MGLL: variants seen among roughly 807,000 people sequenced by gnomAD.
MGLL encodes lysophospholipase homolog.
MGLL carries 7 observed loss-of-function variants against 29.1 expected under a neutral mutation model. That is an observed-to-expected ratio of 0.24 (90% confidence interval 0.14 to 0.45). The LOEUF is 0.45. MGLL is among the 20% of genes least tolerant of loss of function. The pLI is 0.99. For synonymous variants in MGLL, 148 were observed against 168.3 expected (o/e 0.88, Z 0.93); for missense variants, 356 against 413.6 (o/e 0.86, Z 1.21).
intron 6 of MGLL, among the ~76,000 whole-genome samples, chr3:127,696,037 G>A (rs962016360): frequency 6.6e-6 from 1 of 152,222 alleles, no homozygotes; most frequent in Non-Finnish European, 1.5e-5. Context: ...GCTTTGGGGT[G>A]AGGGACGCCC....
chr3:127,715,534 C>T, intron 5 of MGLL: 1 of 377,090 alleles, frequency 2.7e-6, no homozygotes, highest in Non-Finnish European at 5.3e-6. Context: ...AAAGAGATCC[C>T]CTTTCCCTGC....
At chr3:127,750,344 GGGC>G (rs2076534745) in intron 3 of MGLL, among the ~76,000 whole-genome samples, 1 of 152,186 alleles carries the variant, frequency 6.6e-6, no homozygotes, top group African/African-American at 2.4e-5. Flanking sequence ...GGCTCACTGG[GGGC>G]CTCGGGCAGG....
At chr3:127,806,103 C>T (rs554259372) in intron 2 of MGLL, among the ~76,000 whole-genome samples, 6 of 152,336 alleles carry the variant, frequency 3.9e-5, no homozygotes, top group Non-Finnish European at 7.3e-5. Context: ...ATTCTAAATG[C>T]ACTGAATGGC....
intron 3 of MGLL, chr3:127,735,608 G>T: frequency 7.9e-7 from 1 of 1,273,852 alleles, no homozygotes; most frequent in Non-Finnish European, 1.1e-6. Flanking sequence ...AAAAAAGCAA[G>T]AGAATGAAAC....
intron 3 of MGLL, among the ~76,000 whole-genome samples, chr3:127,759,991 G>A (rs2076734647): frequency 6.6e-6 from 1 of 152,236 alleles, no homozygotes; most frequent in South Asian, 2.1e-4. Context: ...CACATTGACT[G>A]TCTTTGCGGG....
At chr3:127,776,840 C>G (rs1010671883) in intron 3 of MGLL, among the ~76,000 whole-genome samples, 7 of 152,188 alleles carry the variant, frequency 4.6e-5, no homozygotes, top group African/African-American at 1.7e-4. Context: ...CTGTTGATGC[C>G]TCCACTTCCT....
At chr3:127,766,487 G>A (rs2076857754) in intron 3 of MGLL, among the ~76,000 whole-genome samples, 2 of 152,118 alleles carry the variant, frequency 1.3e-5, no homozygotes, top group African/African-American at 4.8e-5. Context: ...CCTCTCTTGA[G>A]TGGGAGCCCC....
intron 3 of MGLL, among the ~76,000 whole-genome samples, chr3:127,730,355 A>C (rs933256351): frequency 6.6e-6 from 1 of 151,990 alleles, no homozygotes; most frequent in Non-Finnish European, 1.5e-5. Flanking sequence ...CAGTATTCCC[A>C]GCCTCCCAGG....
chr3:127,807,928 A>AT (rs2077597163), intron 2 of MGLL, among the ~76,000 whole-genome samples: 1 of 151,472 alleles, frequency 6.6e-6, no homozygotes, highest in Non-Finnish European at 1.5e-5. Context: ...TACCCAGCTA[A>AT]TTTTTTGTAT....
At chr3:127,803,259 C>T (rs139445030) in intron 2 of MGLL, among the ~76,000 whole-genome samples, 1,760 of 152,022 alleles carry the variant, frequency 0.012, 23 homozygotes, top group South Asian at 0.024. Flanking sequence ...AGATTACAGG[C>T]GTGAGCCACC....
Position 127,817,958 on chromosome 3 carries a change from TC to T in MGLL, c.155+3735del, listed in dbSNP as rs569015083. ...GTGGACATTTGCTCATGATCCAGTATCCCCCCCTTTTTCTTTTTTTGAGATG... is the reference window on the plus strand; with the variant it reads ...GTGGACATTTGCTCATGATCCAGTATCCCCCCTTTTTCTTTTTTTGAGATG... On this transcript the variant is annotated intron_variant, in intron 2 of 7. Coordinates refer to ENST00000265052, the MANE Select transcript of MGLL (RefSeq NM_007283.7). Among the ~76,000 whole-genome samples the T allele has an allele frequency of 2.0e-3, 303 of 152,194 alleles. 2 individuals are homozygous for T. The highest frequency in any genetic ancestry group is 6.0e-3 in the African/African-American group (249 of 41,518).
rs552162314 is a variant in MGLL, at chr3:127,763,300, T to G, written c.262+18489A>C. Among the ~76,000 whole-genome samples, 6 of 152,286 alleles carry G rather than the reference T, an allele frequency of 3.9e-5. No individual in the cohort carries two copies. In the South Asian group the frequency reaches 1.2e-3, roughly 32 times the overall value. ...TTTGAAGATGCCAGTCTGAGGATGA[T>G]AGCAACAACTGCCAAAGACCGAAAC... On this transcript the variant is annotated intron_variant, in intron 3 of 7. Coordinates refer to ENST00000265052, the MANE Select transcript of MGLL (RefSeq NM_007283.7).
intron 2 of MGLL, among the ~76,000 whole-genome samples, chr3:127,786,024 A>T (rs1319681655): frequency 6.6e-6 from 1 of 152,194 alleles, no homozygotes; most frequent in East Asian, 1.9e-4. Context: ...TGCCTACTCC[A>T]GGCGCAGAAG....
intron 7 of MGLL, among the ~76,000 whole-genome samples, chr3:127,693,388 T>C (rs2075284850): frequency 6.6e-6 from 1 of 152,224 alleles, no homozygotes; most frequent in Non-Finnish European, 1.5e-5. Flanking sequence ...TGGCTTGAAA[T>C]GCTCATGTGG....
chr3:127,698,594 C>G (rs1228202310), intron 6 of MGLL, among the ~76,000 whole-genome samples: 1 of 151,830 alleles, frequency 6.6e-6, no homozygotes, highest in African/African-American at 2.4e-5. Flanking sequence ...GGGTGTGGGG[C>G]GAGTGGGGAG....
intron 3 of MGLL, among the ~76,000 whole-genome samples, chr3:127,739,231 G>GT (rs1459762037): frequency 6.6e-6 from 1 of 152,202 alleles, no homozygotes; most frequent in Non-Finnish European, 1.5e-5. Flanking sequence ...GAGGCCTCTT[G>GT]TGGGGGGTTC....
chr3:127,773,324 C>A (rs1323517561), intron 3 of MGLL, among the ~76,000 whole-genome samples: 1 of 152,246 alleles, frequency 6.6e-6, no homozygotes, highest in Non-Finnish European at 1.5e-5. Flanking sequence ...AGCCATGCCA[C>A]CTTGGGCAGG....
At chr3:127,758,262 C>T (rs1256550727) in intron 3 of MGLL, among the ~76,000 whole-genome samples, 1 of 152,206 alleles carries the variant, frequency 6.6e-6, no homozygotes, top group Non-Finnish European at 1.5e-5. Context: ...CCCTCCTCCT[C>T]CAAGGTTTTA....
intron 2 of MGLL, among the ~76,000 whole-genome samples, chr3:127,796,864 G>A (rs1459811221): frequency 6.6e-6 from 1 of 152,210 alleles, no homozygotes; most frequent in Non-Finnish European, 1.5e-5. Flanking sequence ...GCATCCACCA[G>A]CCTGAAACAG....
Sources: gnomAD v4.1 joint callset for allele counts (sites outside exome capture counted in the v4.1 genomes callset) on GRCh38, gnomAD v4.1.1 for gene constraint, MANE v1.5 for transcripts, NCBI Gene and HGNC (gene_info 2026-07-23, HGNC 2026-07-21) for gene names.